Variants in CLVS2 observed in about 807,000 individuals in gnomAD.
The protein encoded by CLVS2 is clavesin-2.
A neutral mutation model predicts 29.0 loss-of-function variants in CLVS2; 19 were observed. The observed-to-expected ratio is 0.66, with a 90% confidence interval of 0.46 to 0.96. CLVS2 has a LOEUF of 0.96. Ranked by LOEUF, CLVS2 falls within the 40% of genes least tolerant of loss-of-function variation. CLVS2 has a pLI of 0.00. For missense variants in CLVS2, 294 were observed against 404.1 expected (o/e 0.73, Z 2.34); for synonymous variants, 161 against 151.3 (o/e 1.06, Z -0.47).
chr6:123,008,838 A>C (rs144835937), intron 2 of CLVS2, among the ~76,000 whole-genome samples: 4 of 152,000 alleles, frequency 2.6e-5, no homozygotes, highest in African/African-American at 9.7e-5. Flanking sequence ...GGGACTTTTA[A>C]AGGTGTTCAC....
chr6:123,061,284 G>A (rs1772774101), intron 5 of CLVS2, among the ~76,000 whole-genome samples: 1 of 151,668 alleles, frequency 6.6e-6, no homozygotes, highest in African/African-American at 2.4e-5. Flanking sequence ...GTGACACAGT[G>A]AGTCTTTGCC....
chr6:123,050,007 T>G (rs7745309), intron 4 of CLVS2, among the ~76,000 whole-genome samples: 1 of 151,958 alleles, frequency 6.6e-6, no homozygotes, highest in Non-Finnish European at 1.5e-5. Context: ...AAGGGCTTAC[T>G]GTAAGTGAAT....
rs561535643 is a variant in CLVS2, at chr6:122,999,227, G to A, written c.389+1061G>A. ...AGTTTAAATCATCTCTGGAGCCATC[G>A]TACAAGACATTTACAGTTACCAAGA... On this transcript the variant is annotated intron_variant, in intron 2 of 5. Transcript: ENST00000275162. Among the ~76,000 whole-genome samples, 8 of 152,282 alleles carry A rather than the reference G, an allele frequency of 5.3e-5. No homozygotes were observed. In the South Asian group the frequency reaches 1.2e-3, roughly 24 times the overall value.
Position 122,997,640 on chromosome 6 carries a change from G to T in CLVS2, c.-138G>T, listed in dbSNP as rs1253634784. On this transcript the variant is annotated 5_prime_UTR_variant, in exon 2 of 6. Coordinates refer to ENST00000275162, the MANE Select transcript of CLVS2 (RefSeq NM_001010852.4). ...AACAGGGCACTTGATTGGACACCAA[G>T]ATTATTAATTTCCTGTAGGGGAGAG... 1.2e-6 allele frequency: 1 copy of T among 803,804 alleles called. No homozygotes were observed. The highest frequency in any genetic ancestry group is 2.0e-6 in the Non-Finnish European group (1 of 508,136). The allele number at this position is 803,804 out of a possible 1,614,324, so 49.8% of individuals were successfully genotyped here.
At chr6:123,050,014 G>C (rs953856187) in intron 4 of CLVS2, among the ~76,000 whole-genome samples, 1 of 152,142 alleles carries the variant, frequency 6.6e-6, no homozygotes, top group Non-Finnish European at 1.5e-5. Context: ...TACTGTAAGT[G>C]AATTTGCGCT....
intron 3 of CLVS2, among the ~76,000 whole-genome samples, chr6:123,034,525 G>C (rs1775123986): frequency 6.6e-6 from 1 of 152,104 alleles, no homozygotes; most frequent in Admixed American, 6.6e-5. Context: ...CAAAATTACA[G>C]AGCCAGAGGA....
At chr6:123,057,588 C>T (rs552382502) in intron 5 of CLVS2, among the ~76,000 whole-genome samples, 2 of 152,116 alleles carry the variant, frequency 1.3e-5, no homozygotes, top group African/African-American at 4.8e-5. Flanking sequence ...TCATGATCCA[C>T]CTGCCTCGGC....
chr6:123,044,276 A>G (rs781157296), intron 3 of CLVS2, among the ~76,000 whole-genome samples: 2 of 152,184 alleles, frequency 1.3e-5, no homozygotes, highest in Non-Finnish European at 2.9e-5. Flanking sequence ...TTTTATTATT[A>G]CTTTGTACTT....
chr6:123,013,648 T>C (rs1774784089), intron 3 of CLVS2, among the ~76,000 whole-genome samples: 1 of 151,456 alleles, frequency 6.6e-6, no homozygotes, highest in Non-Finnish European at 1.5e-5. Flanking sequence ...TTTTGCATTT[T>C]ATTTTATTTT....
In CLVS2 at chr6:123,070,317, C is replaced by T. The variant is rs1255031086; in HGVS notation, c.*6556C>T. The T allele has an allele frequency of 6.6e-6, 1 of 151,862 alleles. No homozygotes were observed. The highest frequency in any genetic ancestry group is 1.5e-5 in the Non-Finnish European group (1 of 67,884). The allele number at this position is 151,862 out of a possible 1,614,324, so 9.4% of individuals were successfully genotyped here. A position where few individuals can be genotyped will look rare whatever the true frequency, so the allele number is the denominator to read the frequency against. ...TAGGAATAAAAATTTTGGAGTCATCCTCTCTTTCCTTCCTCTTTTTCTTTC... is the reference window on the plus strand; with the variant it reads ...TAGGAATAAAAATTTTGGAGTCATCTTCTCTTTCCTTCCTCTTTTTCTTTC... On this transcript the variant is annotated 3_prime_UTR_variant, in exon 6 of 6. Coordinates refer to ENST00000275162, the MANE Select transcript of CLVS2 (RefSeq NM_001010852.4).
At chr6:123,011,934 A>G (rs1005729971) in intron 3 of CLVS2, among the ~76,000 whole-genome samples, 1 of 152,080 alleles carries the variant, frequency 6.6e-6, no homozygotes, top group African/African-American at 2.4e-5. Flanking sequence ...AGACTGGGGC[A>G]TCAATGTTGA....
At chr6:123,008,238 C>T (rs1188609318) in intron 2 of CLVS2, among the ~76,000 whole-genome samples, 1 of 152,054 alleles carries the variant, frequency 6.6e-6, no homozygotes, top group Non-Finnish European at 1.5e-5. Flanking sequence ...TCATTTGATT[C>T]TCTTCTTGGA....
chr6:123,051,557 C>T (rs1397258675), intron 4 of CLVS2, among the ~76,000 whole-genome samples: 1 of 152,190 alleles, frequency 6.6e-6, no homozygotes, highest in Non-Finnish European at 1.5e-5. Flanking sequence ...AATAGTTGTG[C>T]TCCTGCTACT....
Position 123,070,221 on chromosome 6 carries a change from C to T in CLVS2, c.*6460C>T, listed in dbSNP as rs1465295978. The T allele has an allele frequency of 6.6e-6, 1 of 151,904 alleles. No homozygotes were observed. Among genetic ancestry groups the T allele is most frequent in the Non-Finnish European group, 1.5e-5 (1 of 67,890 alleles). 9.4% of individuals were successfully genotyped at this position (151,904 alleles called of 1,614,324 possible). ...ATTTAACATTTACAAAACCAAACTA[C>T]TTTCACTCTGACCCTGCTTCCCCTT... On this transcript the variant is annotated 3_prime_UTR_variant, in exon 6 of 6. Coordinates refer to ENST00000275162, the MANE Select transcript of CLVS2 (RefSeq NM_001010852.4).
At chr6:122,998,550 T>C (rs2114291671) in intron 2 of CLVS2, among the ~76,000 whole-genome samples, 1 of 152,306 alleles carries the variant, frequency 6.6e-6, no homozygotes, top group South Asian at 2.1e-4. Context: ...CCTAAAAAAA[T>C]TCTTAAACTA....
intron 3 of CLVS2, among the ~76,000 whole-genome samples, chr6:123,017,048 C>A (rs1460511509): frequency 2.0e-5 from 3 of 151,554 alleles, no homozygotes; most frequent in African/African-American, 7.3e-5. Flanking sequence ...CAAGTCCTAC[C>A]TATTTGTAAT....
At chr6:123,061,544 A>C (rs1230138293) in intron 5 of CLVS2, among the ~76,000 whole-genome samples, 1 of 152,204 alleles carries the variant, frequency 6.6e-6, no homozygotes, top group Non-Finnish European at 1.5e-5. Flanking sequence ...TTGTTCTGTG[A>C]TTGAGGCATT....
chr6:123,003,839 T>A (rs1424108330), intron 2 of CLVS2, among the ~76,000 whole-genome samples: 1 of 152,200 alleles, frequency 6.6e-6, no homozygotes, highest in Non-Finnish European at 1.5e-5. Context: ...GTTAACTGAA[T>A]TCAACATTTA....
intron 3 of CLVS2, among the ~76,000 whole-genome samples, chr6:123,032,591 A>T (rs1281181624): frequency 6.6e-6 from 1 of 152,106 alleles, no homozygotes; most frequent in African/African-American, 2.4e-5. Flanking sequence ...TAACCTAAAC[A>T]AAGAAAATTA....
Sources: allele counts gnomAD v4.1 joint callset (sites outside exome capture counted in the v4.1 genomes callset), GRCh38; gene constraint gnomAD v4.1.1; transcripts MANE v1.5; gene names NCBI Gene and HGNC (gene_info 2026-07-23, HGNC 2026-07-21).